IQANK1: variants seen among roughly 807,000 people sequenced by gnomAD.
IQANK1 encodes the protein IQ motif and ankyrin repeat containing 1, also known as IQ motif and ankyrin repeat domain-containing protein 1.
IQANK1 carries 30 observed loss-of-function variants against 22.6 expected under a neutral mutation model. The ratio of observed to expected loss-of-function variants is 1.33; its 90% CI spans 0.99 to 1.80. The LOEUF (loss-of-function observed/expected upper bound fraction) is 1.80, where lower values mean the gene tolerates loss of function less well. Among genes scored for constraint, IQANK1 ranks in the 40% most tolerant of loss-of-function variants. IQANK1 has a pLI of 0.00. For synonymous variants in IQANK1, 122 were observed against 99.6 expected (o/e 1.23, Z -1.34); for missense variants, 275 against 235.2 (o/e 1.17, Z -1.11).
At chr8:143,782,360 A>AC (rs1819810533) in intron 7 of IQANK1, among the ~76,000 whole-genome samples, 1 of 152,180 alleles carries the variant, frequency 6.6e-6, no homozygotes, top group Non-Finnish European at 1.5e-5. Flanking sequence ...AATAGGAGTG[A>AC]TGGGAGAGAG....
At chr8:143,751,891 G>GA (rs1269152586) in intron 3 of IQANK1, among the ~76,000 whole-genome samples, 1 of 149,900 alleles carries the variant, frequency 6.7e-6, no homozygotes, top group Non-Finnish European at 1.5e-5. Flanking sequence ...CCTCACATGT[G>GA]AAGGATAGTT....
intron 3 of IQANK1, chr8:143,746,259 C>G (rs1184861943): frequency 6.6e-6 from 1 of 152,212 alleles, no homozygotes; most frequent in Non-Finnish European, 1.5e-5. Context: ...AATCCTTCAG[C>G]CTTTTACCAT....
chr8:143,761,365 A>AGACCCCGTCTGCTCCACT (rs1819394557), intron 3 of IQANK1, among the ~76,000 whole-genome samples: 1 of 152,234 alleles, frequency 6.6e-6, no homozygotes, highest in African/African-American at 2.4e-5. Flanking sequence ...CCTCCGACTC[A>AGACCCCGTCTGCTCCACT]GACCCCGTCT....
At chr8:143,773,861 G>A (rs1158781640) in intron 7 of IQANK1, among the ~76,000 whole-genome samples, 1 of 152,192 alleles carries the variant, frequency 6.6e-6, no homozygotes, top group African/African-American at 2.4e-5. Context: ...AGTCAGGGGT[G>A]CTGGGGTGTC....
intron 2 of IQANK1, chr8:143,739,612 A>AG (rs1180941811): frequency 7.2e-6 from 3 of 414,124 alleles, no homozygotes; most frequent in South Asian, 5.8e-5. Flanking sequence ...ACAAGAGCCC[A>AG]GGTGCCTTCC....
intron 2 of IQANK1, among the ~76,000 whole-genome samples, 167 bp from the exon 3 acceptor site, chr8:143,739,692 C>T (rs1053965939): frequency 1.3e-5 from 2 of 152,334 alleles, no homozygotes; most frequent in Non-Finnish European, 1.5e-5. Context: ...CTGGAGGAGC[C>T]CGTGCTCCTT....
chr8:143,735,723 G>A lies in IQANK1; in HGVS notation c.-4-127G>A, dbSNP rs1400980483. 9.5e-6 allele frequency: 6 copies of A among 632,978 alleles called. No homozygotes were observed. In the African/African-American group the frequency reaches 1.1e-4, roughly 11 times the overall value. The allele number at this position is 632,978 out of a possible 1,614,324, so 39.2% of individuals were successfully genotyped here. A position where few individuals can be genotyped will look rare whatever the true frequency, so the allele number is the denominator to read the frequency against. ...ACAGGACACCAGCTGGGAAGCCTCA[G>A]GGGAGCCCATGTTCCTGCTGTCATC... On this transcript the variant is annotated intron_variant, in intron 1 of 13. Transcript: ENST00000527139. This position sits in a 1 kb window ranked among gnomAD's most constrained non-coding sequence, Gnocchi z 5.2.
At chr8:143,760,818 G>A (rs1282275629) in intron 3 of IQANK1, among the ~76,000 whole-genome samples, 2 of 152,378 alleles carry the variant, frequency 1.3e-5, no homozygotes, top group African/African-American at 4.8e-5. Flanking sequence ...TTGGAGCAGA[G>A]GAGCAGCGAG....
chr8:143,747,931 T>C (rs1265647011), intron 3 of IQANK1, among the ~76,000 whole-genome samples: 1 of 121,802 alleles, frequency 8.2e-6, no homozygotes, highest in Non-Finnish European at 1.7e-5. Context: ...TCCTTTCCTT[T>C]CCTTTCCTTT....
intron 3 of IQANK1, among the ~76,000 whole-genome samples, chr8:143,767,749 G>C (rs373731539): frequency 6.6e-6 from 1 of 151,940 alleles, no homozygotes; most frequent in East Asian, 2.0e-4. Flanking sequence ...TCTGAGTGTG[G>C]TGGTGTATAC....
chr8:143,749,131 A>G (rs1587477037), intron 3 of IQANK1, among the ~76,000 whole-genome samples: 1 of 123,278 alleles, frequency 8.1e-6, no homozygotes, highest in Middle Eastern at 0.012. Flanking sequence ...TATAGCATAT[A>G]TGATATATAT....
chr8:143,735,317 T>C lies in IQANK1; in HGVS notation c.-4-533T>C, dbSNP rs2129733043. On this transcript the variant is annotated intron_variant, in intron 1 of 13. Coordinates refer to ENST00000527139, the MANE Select transcript of IQANK1 (RefSeq NM_001381874.1). The surrounding 1 kb of genome is among the most constrained non-coding windows in gnomAD (Gnocchi z 5.2). ...GCTGTGTGGACTAGGGAGAGGGGTGTTGCTCCAGGGCCTGACACCACCATC... is the reference window on the plus strand; with the variant it reads ...GCTGTGTGGACTAGGGAGAGGGGTGCTGCTCCAGGGCCTGACACCACCATC... Among the ~76,000 whole-genome samples, 1 of 152,088 alleles carries C rather than the reference T, an allele frequency of 6.6e-6. No homozygotes were observed. Among genetic ancestry groups the C allele is most frequent in the Middle Eastern group, 3.4e-3 (1 of 294 alleles).
At chr8:143,786,727 G>A (rs1563781836) in intron 7 of IQANK1, among the ~76,000 whole-genome samples, 1 of 152,178 alleles carries the variant, frequency 6.6e-6, no homozygotes, top group Non-Finnish European at 1.5e-5. Flanking sequence ...GGGCGGGCAG[G>A]GCTGGGCTGG....
chr8:143,755,758 C>T (rs782373034), intron 3 of IQANK1, among the ~76,000 whole-genome samples: 4 of 152,194 alleles, frequency 2.6e-5, no homozygotes, highest in Non-Finnish European at 4.4e-5. Context: ...AGTGAGGACA[C>T]GCAGTGCCCC....
At chr8:143,757,906 A>G (rs1819322679) in intron 3 of IQANK1, among the ~76,000 whole-genome samples, 1 of 152,202 alleles carries the variant, frequency 6.6e-6, no homozygotes, top group Non-Finnish European at 1.5e-5. Context: ...CATGGCTTGC[A>G]TGAAAATGTC....
intron 7 of IQANK1, among the ~76,000 whole-genome samples, chr8:143,780,789 GCGT>G (rs1819783296): frequency 6.6e-6 from 1 of 152,140 alleles, no homozygotes; most frequent in African/African-American, 2.4e-5. Flanking sequence ...GTCAACATAT[GCGT>G]GCATGTGTCT....
At chr8:143,746,324 A>C (rs184712513) in intron 3 of IQANK1, 5 of 152,236 alleles carry the variant, frequency 3.3e-5, no homozygotes, top group African/African-American at 1.2e-4. Context: ...AGGCTGAATA[A>C]ATTTCTATTT....
chr8:143,763,771 A>G (rs1819436609), intron 3 of IQANK1, among the ~76,000 whole-genome samples: 1 of 152,204 alleles, frequency 6.6e-6, no homozygotes, highest in Admixed American at 6.5e-5. Context: ...TTCTCTTTAT[A>G]AATTACCCAG....
Position 143,740,197 on chromosome 8 carries a change from G to T in IQANK1, c.175+249G>T, listed in dbSNP as rs192751055. 1.0e-3 allele frequency among the ~76,000 whole-genome samples: 157 copies of T among 151,966 alleles called. 3 individuals are homozygous for T. In the East Asian group the frequency reaches 0.026, roughly 25 times the overall value. On this transcript the variant is annotated intron_variant, in intron 3 of 13. Coordinates refer to ENST00000527139, the MANE Select transcript of IQANK1 (RefSeq NM_001381874.1). The stretch of plus-strand genomic sequence containing the variant: ...CCTCCTGGTGCTCCACCTCCCCGCC[G>T]CCCGGGTGCGTGGCCTCTCGGGAAG...
Sources: allele counts gnomAD v4.1 joint callset (sites outside exome capture counted in the v4.1 genomes callset), GRCh38; gene constraint gnomAD v4.1.1; non-coding constraint Gnocchi (gnomAD v3.1); transcripts MANE v1.5; gene names NCBI Gene and HGNC (gene_info 2026-07-23, HGNC 2026-07-21).